Variants in SLFN12L observed in about 807,000 individuals in gnomAD.
SLFN12L encodes the protein schlafen family member 12-like.
A neutral mutation model predicts 34.8 loss-of-function variants in SLFN12L; 34 were observed. The ratio of observed to expected loss-of-function variants is 0.98; its 90% confidence interval spans 0.74 to 1.30. The LOEUF is 1.30. SLFN12L is among the 50% of genes most tolerant of loss of function. The pLI is 0.00. For missense variants in SLFN12L, 703 were observed against 696.2 expected, an observed-to-expected ratio of 1.01 and a Z score of -0.11; for synonymous variants, 259 against 247.5, an observed-to-expected ratio of 1.05 and a Z score of -0.44.
chr17:35,494,837 T>G (rs1311040123), intron 2 of SLFN12L, among the ~76,000 whole-genome samples: 2 of 152,096 alleles, frequency 1.3e-5, no homozygotes, highest in African/African-American at 4.8e-5. Flanking sequence ...TATTTAACAT[T>G]TTTATGTTTT....
chr17:35,505,426 G>A (rs1335415796), intron 2 of SLFN12L, among the ~76,000 whole-genome samples: 2 of 152,192 alleles, frequency 1.3e-5, no homozygotes, highest in Non-Finnish European at 2.9e-5. Flanking sequence ...TAGCACAAGA[G>A]GTGGATAAGC....
At chr17:35,523,560 C>T (rs12051819) in intron 1 of SLFN12L, among the ~76,000 whole-genome samples, 3 of 152,118 alleles carry the variant, frequency 2.0e-5, no homozygotes, top group East Asian at 1.9e-4. Context: ...AGGCTCCCCC[C>T]CATTACAAAA....
intron 2 of SLFN12L, among the ~76,000 whole-genome samples, chr17:35,515,915 T>C (rs1163254271): frequency 6.6e-6 from 1 of 152,074 alleles, no homozygotes; most frequent in Non-Finnish European, 1.5e-5. Flanking sequence ...GTGCTGAGAT[T>C]ACAGGCGTGA....
At chr17:35,505,670 G>T (rs1250538755) in intron 2 of SLFN12L, among the ~76,000 whole-genome samples, 3 of 152,088 alleles carry the variant, frequency 2.0e-5, no homozygotes, top group Non-Finnish European at 4.4e-5. Flanking sequence ...ATTCTAGTGG[G>T]ACCAATCTCC....
chr17:35,520,740 G>A (rs572295846), intron 2 of SLFN12L, among the ~76,000 whole-genome samples: 5 of 151,508 alleles, frequency 3.3e-5, no homozygotes, highest in East Asian at 1.9e-4. Context: ...AGCAAAACTC[G>A]GTCTCAAAAA....
chr17:35,475,922 TA>T (rs67694368), intron 4 of SLFN12L, among the ~76,000 whole-genome samples: 2,296 of 146,302 alleles, frequency 0.016, 57 homozygotes, highest in African/African-American at 0.053. Context: ...CATATATATA[TA>T]TTTTTTTAAA....
At chr17:35,498,221 A>G in intron 2 of SLFN12L, 2 of 516,262 alleles carry the variant, frequency 3.9e-6, no homozygotes, top group Admixed American at 2.9e-5. Flanking sequence ...CAGTCATGAA[A>G]TGAGTGCGTA....
In SLFN12L at chr17:35,474,838, A is replaced by G. The variant is rs566103267; in HGVS notation, c.*85T>C. ...TCCCAGCTACTCGGGAGGCTGAGGC[A>G]GGGAATTGCTTGAACCCAGGAGGCA... On this transcript the variant is annotated 3_prime_UTR_variant, in exon 5 of 5. Coordinates refer to ENST00000628453, the MANE Select transcript of SLFN12L (RefSeq NM_001363830.2). The G allele has an allele frequency of 1.5e-6, 2 of 1,333,248 alleles. No individual in the cohort carries two copies. Among genetic ancestry groups the G allele is most frequent in the East Asian group, 5.1e-5 (2 of 39,362 alleles). The allele number at this position is 1,333,248 out of a possible 1,614,324, so 82.6% of individuals were successfully genotyped here.
chr17:35,475,462 C>T lies in SLFN12L; in HGVS notation c.1300G>A (p.Ala434Thr), dbSNP rs560139494. The change falls in exon 5 of 5, where the codon GCT (alanine) becomes ACT (threonine). Residue 434 changes from alanine to threonine, a missense_variant. By Grantham distance (58) the Ala-to-Thr change is moderately conservative. Coordinates refer to ENST00000628453, the MANE Select transcript of SLFN12L (RefSeq NM_001363830.2). Reference protein sequence around the residue: ...LPGLSEKITCAPKTFCRNLFS... With the variant: ...LPGLSEKITCTPKTFCRNLFS... ...AGATTTCTGCAGAAGGTTTTTGGAGCACAAGTTATCTTTTCTGATAGCCCT... is the reference window on the plus strand; with the variant it reads ...AGATTTCTGCAGAAGGTTTTTGGAGTACAAGTTATCTTTTCTGATAGCCCT... 5 of 1,608,326 alleles carry T rather than the reference C, an allele frequency of 3.1e-6. No homozygotes were observed. The East Asian group carries it at 6.7e-5, about 22-fold the overall frequency.
At position 35,503,777 on chromosome 17, in the gene SLFN12L, G is replaced by A. The variant is rs76653869; in HGVS notation, c.86+18502C>T. Among the ~76,000 whole-genome samples, 1,792 of 151,588 alleles carry A rather than the reference G, an allele frequency of 0.012. 106 individuals are homozygous for A. The East Asian group carries it at 0.18, about 15-fold the overall frequency. On this transcript the variant is annotated intron_variant, in intron 2 of 4. Transcript: ENST00000628453. The stretch of plus-strand genomic sequence containing the variant: ...CACCCCTAGAATTTCTGGTAAACCC[G>A]CACCAGCCTGAAGATCATGTTCTCA...
At chr17:35,521,993 T>C (rs1347240770) in intron 2 of SLFN12L, among the ~76,000 whole-genome samples, 1 of 151,960 alleles carries the variant, frequency 6.6e-6, no homozygotes, top group Non-Finnish European at 1.5e-5. Flanking sequence ...GAGGGAGGGA[T>C]AGCATTAGGA....
chr17:35,490,287 A>T, intron 2 of SLFN12L: 1 of 1,489,178 alleles, frequency 6.7e-7, no homozygotes, highest in Non-Finnish European at 9.4e-7. Context: ...CCCAAGGGCA[A>T]AGGAAGAGCT....
chr17:35,469,964 T>C lies in SLFN12L; in HGVS notation c.*4959A>G, dbSNP rs1913779814. ...GATTTTCCCCTCACTTCTGCTCCTC[T>C]TTCCTTAACCAACTGGATGCTTTAC... is the stretch of plus-strand genomic sequence containing the variant. On this transcript the variant is annotated 3_prime_UTR_variant, in exon 5 of 5. Transcript: ENST00000628453. The C allele has an allele frequency of 6.6e-6, 1 of 152,206 alleles. No homozygotes were observed. Among genetic ancestry groups the C allele is most frequent in the Admixed American group, 6.5e-5 (1 of 15,276 alleles). 9.4% of individuals were successfully genotyped at this position (152,206 alleles called of 1,614,324 possible). A position where few individuals can be genotyped will look rare whatever the true frequency, so the allele number is the denominator to read the frequency against.
intron 2 of SLFN12L, chr17:35,490,833 T>C (rs570787894): frequency 2.5e-6 from 3 of 1,188,860 alleles, no homozygotes; most frequent in African/African-American, 1.5e-5. Context: ...TACAAATACA[T>C]TTGGCAGGTA....
chr17:35,502,430 A>AAAAAC (rs1555543229), intron 2 of SLFN12L, among the ~76,000 whole-genome samples: 6 of 148,894 alleles, frequency 4.0e-5, no homozygotes, highest in African/African-American at 1.5e-4. Context: ...AAAAAAAAAA[A>AAAAAC]AAAAAAAAAA....
intron 2 of SLFN12L, chr17:35,498,526 A>C: frequency 7.9e-7 from 1 of 1,261,834 alleles, no homozygotes; most frequent in Admixed American, 1.7e-5. Context: ...GTCTGCCTCC[A>C]TCTCAGCCTG....
chr17:35,525,864 C>A (rs1302230564), intron 1 of SLFN12L, among the ~76,000 whole-genome samples: 1 of 152,162 alleles, frequency 6.6e-6, no homozygotes, highest in Admixed American at 6.5e-5. Flanking sequence ...ACAATATTAA[C>A]CTTAAATGTA....
intron 1 of SLFN12L, among the ~76,000 whole-genome samples, chr17:35,527,913 G>T (rs950217287): frequency 6.6e-6 from 1 of 152,174 alleles, no homozygotes; most frequent in Non-Finnish European, 1.5e-5. Flanking sequence ...AAGTTGAATT[G>T]TCTCTGTTTG....
intron 2 of SLFN12L, among the ~76,000 whole-genome samples, chr17:35,485,959 T>C (rs1290598554): frequency 6.6e-6 from 1 of 152,202 alleles, no homozygotes; most frequent in Middle Eastern, 3.2e-3. Flanking sequence ...TTTGTTCTTT[T>C]TGTTTAGGAT....
Sources: allele counts gnomAD v4.1 joint callset (sites outside exome capture counted in the v4.1 genomes callset), GRCh38; gene constraint gnomAD v4.1.1; transcripts MANE v1.5; gene names NCBI Gene and HGNC (gene_info 2026-07-23, HGNC 2026-07-21).